Variants in JPH3 observed in about 807,000 individuals in gnomAD.
JPH3 encodes the protein junctophilin-3.
In JPH3, 11 loss-of-function variants were observed where a neutral mutation model predicts 59.6. The observed-to-expected ratio is 0.18, with a 90% CI of 0.12 to 0.31. JPH3 has a LOEUF of 0.31. JPH3 is among the 10% of genes least tolerant of loss of function. The pLI is 1.00. For missense variants in JPH3, 1,202 were observed against 1,105.7 expected, an observed-to-expected ratio of 1.09 and a Z score of -1.24; for synonymous variants, 673 against 483.6, an observed-to-expected ratio of 1.39 and a Z score of -5.14.
chr16:87,693,353 C>T (rs1343015981), intron 4 of JPH3, among the ~76,000 whole-genome samples: 1 of 152,240 alleles, frequency 6.6e-6, no homozygotes, highest in African/African-American at 2.4e-5. Flanking sequence ...TGGGGTTCAG[C>T]TTATCTGTTG....
intron 1 of JPH3, among the ~76,000 whole-genome samples, chr16:87,603,891 C>A (rs1326051310): frequency 6.6e-6 from 1 of 152,244 alleles, no homozygotes; most frequent in East Asian, 1.9e-4. Flanking sequence ...GAGAAGGGCC[C>A]CTCCCCTTGT....
At chr16:87,647,078 C>G (rs564977950) in intron 2 of JPH3, among the ~76,000 whole-genome samples, 9 of 152,142 alleles carry the variant, frequency 5.9e-5, no homozygotes, top group Non-Finnish European at 1.3e-4. Context: ...GCCTGTGAAG[C>G]TTAGGTGGTA....
At chr16:87,604,842 G>T in intron 1 of JPH3, 1 of 387,274 alleles carries the variant, frequency 2.6e-6, no homozygotes, top group Non-Finnish European at 4.8e-6. Context: ...TGTCAAAGCC[G>T]TGCCCAGCCC....
At position 87,644,525 on chromosome 16, in the gene JPH3, G is replaced by T. The variant is rs762242197; in HGVS notation, c.650G>T (p.Arg217Leu). 2.5e-6 allele frequency: 4 copies of T among 1,612,758 alleles called. No homozygotes were observed. The highest frequency in any genetic ancestry group is 1.1e-5 in the South Asian group (1 of 91,068). The change falls in exon 2 of 5, where the codon CGC becomes CTC. Residue 217 changes from arginine to leucine, a missense_variant. Coordinates refer to ENST00000284262, the MANE Select transcript of JPH3 (RefSeq NM_020655.4). ...AGCAAGAAGAAGGGGCTGTTTCGGC[G>T]CTCGCTGCTGAGTGGGCTGAAGCTG... ...LKSKKKGLFR[R>L]SLLSGLKLRK... is the part of the protein sequence containing the mutation.
chr16:87,665,693 C>T (rs949218808), intron 2 of JPH3, among the ~76,000 whole-genome samples: 47 of 152,348 alleles, frequency 3.1e-4, no homozygotes, highest in African/African-American at 8.7e-4. Context: ...TCAACAACCA[C>T]GGCTCAGCAT....
At chr16:87,657,108 T>C (rs1351029938) in intron 2 of JPH3, among the ~76,000 whole-genome samples, 1 of 152,186 alleles carries the variant, frequency 6.6e-6, no homozygotes, top group East Asian at 1.9e-4. Context: ...GGACTCAGCC[T>C]GGAGCACCTG....
intron 2 of JPH3, among the ~76,000 whole-genome samples, chr16:87,653,011 A>T (rs1077698): frequency 6.6e-6 from 1 of 151,852 alleles, no homozygotes; most frequent in African/African-American, 2.4e-5. Context: ...TGCAGGGGGA[A>T]GTTGGGGCCT....
intron 3 of JPH3, among the ~76,000 whole-genome samples, chr16:87,685,086 G>T (rs1012767204): frequency 3.3e-5 from 5 of 152,198 alleles, no homozygotes; most frequent in African/African-American, 4.8e-5. Context: ...GAACTTGCTC[G>T]CAACGCCTGC....
intron 1 of JPH3, among the ~76,000 whole-genome samples, chr16:87,620,408 G>T (rs1214277657): frequency 2.7e-5 from 4 of 148,684 alleles, no homozygotes; most frequent in African/African-American, 4.9e-5. Context: ...GCCTGGATGG[G>T]GGTGTGGTTA....
At chr16:87,645,663 A>G (rs1325063867) in intron 2 of JPH3, among the ~76,000 whole-genome samples, 1 of 152,220 alleles carries the variant, frequency 6.6e-6, no homozygotes, top group Admixed American at 6.5e-5. Flanking sequence ...GAATGGGTCC[A>G]GAGGTGACTG....
chr16:87,689,406 G>A (rs776898711), intron 3 of JPH3, among the ~76,000 whole-genome samples: 3 of 152,122 alleles, frequency 2.0e-5, no homozygotes, highest in Non-Finnish European at 4.4e-5. Context: ...CGCCCTTCCT[G>A]TGGTGCCTGG....
At chr16:87,621,145 C>A (rs1034256505) in intron 1 of JPH3, among the ~76,000 whole-genome samples, 1 of 151,072 alleles carries the variant, frequency 6.6e-6, no homozygotes, top group African/African-American at 2.4e-5. Flanking sequence ...GGCAACAGAG[C>A]GAGACTCTGT....
intron 3 of JPH3, 111 bp downstream of exon 3, chr16:87,684,377 G>T: frequency 6.8e-7 from 1 of 1,467,544 alleles, no homozygotes; most frequent in East Asian, 2.5e-5. Context: ...GATGGGCTCA[G>T]CCCCAGCTGC....
Position 87,648,020 on chromosome 16 carries a change from C to T in JPH3, c.1160+2985C>T, listed in dbSNP as rs138634985. 4.0e-3 allele frequency among the ~76,000 whole-genome samples: 611 copies of T among 152,310 alleles called. 2 individuals are homozygous for T. The highest frequency in any genetic ancestry group is 6.6e-3 in the Non-Finnish European group (449 of 68,018). ...TCCCTGCTCCCTGTAGTGGCCTCGG[C>T]GTGGGGCCGGGCCTGTGGTTGCACC... On this transcript the variant is annotated intron_variant, in intron 2 of 4. Coordinates refer to ENST00000284262, the MANE Select transcript of JPH3 (RefSeq NM_020655.4).
At position 87,692,197 on chromosome 16, in the gene JPH3, T is replaced by TTCCCTCCCTGTCTCCCTCCCCGTC. The variant is rs1555543873; in HGVS notation, c.2166+1680_2166+1703dup. Among the ~76,000 whole-genome samples the TTCCCTCCCTGTCTCCCTCCCCGTC allele has an allele frequency of 3.1e-4, 37 of 120,328 alleles. 1 individual carries two copies. Among genetic ancestry groups the TTCCCTCCCTGTCTCCCTCCCCGTC allele is most frequent in the African/African-American group, 1.1e-3 (34 of 30,562 alleles). The allele number at this position is 120,328 out of a possible 152,430, so 78.9% of individuals were successfully genotyped here. A position where few individuals can be genotyped will look rare whatever the true frequency, so the allele number is the denominator to read the frequency against. On this transcript the variant is annotated intron_variant, in intron 4 of 4. Coordinates refer to ENST00000284262, the MANE Select transcript of JPH3 (RefSeq NM_020655.4). The stretch of plus-strand genomic sequence containing the variant: ...TACCTGGTGCTGGTGCAAACAAGGT[T>TTCCCTCCCTGTCTCCCTCCCCGTC]TCCCTCCCTGTCTCCCTCCCCGTCT...
chr16:87,696,148 C>T (rs768384028), intron 4 of JPH3: 9 of 457,898 alleles, frequency 2.0e-5, no homozygotes, highest in Non-Finnish European at 3.1e-5. Flanking sequence ...GCATCTGACA[C>T]TGGCCATGGC....
At position 87,603,051 on chromosome 16, in the gene JPH3, G is replaced by T. The variant is rs2030318316; in HGVS notation, c.-96G>T. ...CGCGTCCTCCTCTCCTCCGGAAAAC[G>T]CTCGCGACCCAGGGCCGCCGGCGGC... On this transcript the variant is annotated 5_prime_UTR_variant, in exon 1 of 5. Coordinates refer to ENST00000284262, the MANE Select transcript of JPH3 (RefSeq NM_020655.4). 4.6e-6 allele frequency: 7 copies of T among 1,514,820 alleles called. No homozygotes were observed. Among genetic ancestry groups the T allele is most frequent in the Non-Finnish European group, 8.9e-7 (1 of 1,118,054 alleles). The allele number at this position is 1,514,820 out of a possible 1,614,324, so 93.8% of individuals were successfully genotyped here. A position where few individuals can be genotyped will look rare whatever the true frequency, so the allele number is the denominator to read the frequency against.
Position 87,690,437 on chromosome 16 carries a change from TG to T in JPH3, c.2080del (p.Asp694ThrfsTer2). The T allele has an allele frequency of 6.7e-7, 1 of 1,495,418 alleles. No individual in the cohort carries two copies. The highest frequency in any genetic ancestry group is 1.4e-5 in the South Asian group (1 of 71,800). The allele number at this position is 1,495,418 out of a possible 1,614,324, so 92.6% of individuals were successfully genotyped here. ...LGGAEPRLLR[W>X]DLTFSPPQKS... The stretch of plus-strand genomic sequence containing the variant: ...CGGGGCCGAGCCCCGGTTGCTGCGT[TG>T]GGACTTGACCTTCTCCCCGCCCCAG... On this transcript the variant is annotated frameshift_variant, in exon 4 of 5. Coordinates refer to ENST00000284262, the MANE Select transcript of JPH3 (RefSeq NM_020655.4). LOFTEE classifies it high-confidence loss of function.
At chr16:87,642,835 A>G (rs768322987) in intron 1 of JPH3, among the ~76,000 whole-genome samples, 8 of 152,244 alleles carry the variant, frequency 5.3e-5, no homozygotes, top group Admixed American at 1.3e-4. Flanking sequence ...GTCACAGCTC[A>G]CAGAGCAAGA....
Sources: allele counts gnomAD v4.1 joint callset (sites outside exome capture counted in the v4.1 genomes callset), GRCh38; gene constraint gnomAD v4.1.1; transcripts MANE v1.5; gene names NCBI Gene and HGNC (gene_info 2026-07-23, HGNC 2026-07-21).